ZFP14: variants seen among roughly 807,000 people sequenced by gnomAD.
ZFP14 encodes the protein zinc finger protein 14 homolog.
A neutral mutation model predicts 54.5 loss-of-function variants in ZFP14; 22 were observed. The ratio of observed to expected loss-of-function variants is 0.40; its 90% confidence interval spans 0.29 to 0.58. The LOEUF is 0.58. Among genes scored for constraint, ZFP14 ranks in the 20% least tolerant of loss-of-function variants. The pLI is 0.39. For missense variants in ZFP14, 470 were observed against 637.8 expected (o/e 0.74, Z 2.83); for synonymous variants, 159 against 204.0 (o/e 0.78, Z 1.88).
At chr19:36,345,120 G>A (rs2145542500) in intron 4 of ZFP14, among the ~76,000 whole-genome samples, 1 of 152,252 alleles carries the variant, frequency 6.6e-6, no homozygotes, top group South Asian at 2.1e-4. Context: ...AAAATTAGCT[G>A]AGCGTTTTGG....
chr19:36,352,833 T>C, intron 4 of ZFP14, among the ~76,000 whole-genome samples: 1 of 139,218 alleles, frequency 7.2e-6, no homozygotes. Context: ...CCCAGCTACT[T>C]GGGAGGCTGA....
At chr19:36,366,840 A>G (rs1378815730) in intron 2 of ZFP14, among the ~76,000 whole-genome samples, 2 of 152,160 alleles carry the variant, frequency 1.3e-5, no homozygotes, top group Admixed American at 6.6e-5. Flanking sequence ...TCCACAAAAA[A>G]TTTCAAAAAC....
intron 2 of ZFP14, 141 bp downstream of exon 2, chr19:36,367,743 C>G (rs2031816818): frequency 2.1e-6 from 2 of 933,642 alleles, no homozygotes; most frequent in South Asian, 4.8e-5. Context: ...GGATTACAGG[C>G]GTGAGCCATT....
At chr19:36,343,916 C>T in intron 4 of ZFP14, among the ~76,000 whole-genome samples, 1 of 152,208 alleles carries the variant, frequency 6.6e-6, no homozygotes, top group East Asian at 1.9e-4. Context: ...CCATTCACCC[C>T]TCATAGATCC....
At chr19:36,350,512 G>T (rs969796865) in intron 4 of ZFP14, among the ~76,000 whole-genome samples, 1 of 140,024 alleles carries the variant, frequency 7.1e-6, no homozygotes, top group South Asian at 2.3e-4. Flanking sequence ...GAGGTGGGAG[G>T]ATCACTTGAG....
intron 1 of ZFP14, chr19:36,378,583 T>G (rs192800871): frequency 6.6e-6 from 1 of 152,304 alleles, no homozygotes; most frequent in East Asian, 1.9e-4. Flanking sequence ...ATCTGGATGT[T>G]GACTTGTCTA....
At chr19:36,365,137 G>A (rs1218110407) in intron 2 of ZFP14, among the ~76,000 whole-genome samples, 1 of 149,826 alleles carries the variant, frequency 6.7e-6, no homozygotes, top group Non-Finnish European at 1.5e-5. Flanking sequence ...CCCAAAGGAG[G>A]GATTACAGGC....
In ZFP14 at chr19:36,340,006, A is replaced by T; in HGVS notation, c.*218T>A. The T allele has an allele frequency of 2.3e-6, 1 of 431,332 alleles. No homozygotes were observed. The highest frequency in any genetic ancestry group is 4.0e-6 in the Non-Finnish European group (1 of 250,858). 26.7% of individuals were successfully genotyped at this position (431,332 alleles called of 1,614,324 possible). ...AGTGGAGAAAGGGAGATAATGACAGATAAGGCTAAAGATTTTCCTACATTC... is the reference window on the plus strand; with the variant it reads ...AGTGGAGAAAGGGAGATAATGACAGTTAAGGCTAAAGATTTTCCTACATTC... On this transcript the variant is annotated 3_prime_UTR_variant, in exon 5 of 5. Transcript: ENST00000270001. The surrounding 1 kb of genome is among the most constrained non-coding windows in gnomAD (Gnocchi z 5.4).
At chr19:36,353,639 A>G (rs1421912702) in intron 4 of ZFP14, among the ~76,000 whole-genome samples, 2 of 130,310 alleles carry the variant, frequency 1.5e-5, no homozygotes, top group African/African-American at 2.9e-5. Context: ...CGGAGGTTGC[A>G]GTGAGCCGAG....
chr19:36,358,475 T>G (rs1392173644), intron 4 of ZFP14, among the ~76,000 whole-genome samples: 1 of 152,152 alleles, frequency 6.6e-6, no homozygotes, highest in Admixed American at 6.5e-5. Context: ...TTACTTCGAA[T>G]AGTTGTTGTC....
At position 36,340,741 on chromosome 19, in the gene ZFP14, T is replaced by C; in HGVS notation, c.1085A>G (p.His362Arg). Reference sequence around the variant, plus strand: ...ACATTCGTAGGGTTTCTCACCAGTATGAATACTCTGATGAACAGTAAGTTG... The same window carrying C: ...ACATTCGTAGGGTTTCTCACCAGTACGAATACTCTGATGAACAGTAAGTTG... ...CQQLTVHQSI[H>R]TGEKPYECKE... The change falls in exon 5 of 5, where the codon CAT (histidine) becomes CGT (arginine). Residue 362 changes from histidine (H) to arginine (R), a missense_variant. Coordinates refer to ENST00000270001, the MANE Select transcript of ZFP14 (RefSeq NM_020917.3). This position sits in a 1 kb window ranked among gnomAD's most constrained non-coding sequence, Gnocchi z 5.4. The C allele has an allele frequency of 6.2e-7, 1 of 1,614,102 alleles. No individual in the cohort carries two copies. The highest frequency in any genetic ancestry group is 1.7e-5 in the Admixed American group (1 of 60,020).
chr19:36,358,775 T>C (rs955109978), intron 4 of ZFP14, among the ~76,000 whole-genome samples: 2 of 152,168 alleles, frequency 1.3e-5, no homozygotes, highest in Non-Finnish European at 2.9e-5. Flanking sequence ...CCAAAACTCA[T>C]GTTGAAAATT....
chr19:36,356,221 G>A (rs1021134895), intron 4 of ZFP14, among the ~76,000 whole-genome samples: 1 of 151,826 alleles, frequency 6.6e-6, no homozygotes, highest in African/African-American at 2.4e-5. Flanking sequence ...GATCACCTGA[G>A]GTCAGGAGTT....
In ZFP14 at chr19:36,374,367, G is replaced by A. The variant is rs564642792; in HGVS notation, c.-80+4796C>T. On this transcript the variant is annotated intron_variant, in intron 1 of 4. Transcript: ENST00000270001. ...TAGCCGGGCATGATGGCAGGTGCCT[G>A]TAATCCCAGCTACTCGGGAGGCTGG... Among the ~76,000 whole-genome samples the A allele has an allele frequency of 3.3e-5, 5 of 151,960 alleles. 1 individual carries two copies. The South Asian group carries it at 1.0e-3, about 32-fold the overall frequency.
chr19:36,364,119 G>T (rs1291796785), intron 2 of ZFP14, among the ~76,000 whole-genome samples: 1 of 152,176 alleles, frequency 6.6e-6, no homozygotes, highest in Non-Finnish European at 1.5e-5. Context: ...ATTGATTGAG[G>T]TATCTATTTG....
At chr19:36,342,777 A>G (rs375357509) in intron 4 of ZFP14, among the ~76,000 whole-genome samples, 11 of 132,370 alleles carry the variant, frequency 8.3e-5, no homozygotes, top group African/African-American at 3.1e-4. Context: ...GACATTTATT[A>G]TTAATTTTCT....
rs188410808 is a variant in ZFP14 at position 36,349,154 on chromosome 19, A to G, written c.236-7564T>C. Among the ~76,000 whole-genome samples, 148 of 144,962 alleles carry G rather than the reference A, an allele frequency of 1.0e-3. 1 individual carries two copies. The East Asian group carries it at 0.022, about 22-fold the overall frequency. On this transcript the variant is annotated intron_variant, in intron 4 of 4. Coordinates refer to ENST00000270001, the MANE Select transcript of ZFP14 (RefSeq NM_020917.3). ...TGAGGCAGGAGAATCACTTGAACCC[A>G]GGAGAGGCGGAGGTTTCAGTGAGCC...
At chr19:36,378,559 G>T (rs983473777) in intron 1 of ZFP14, 1 of 152,108 alleles carries the variant, frequency 6.6e-6, no homozygotes, top group African/African-American at 2.4e-5. Context: ...GGAACAAAAC[G>T]GAAACACAAA....
At chr19:36,349,235 AAAAAAAACAAAAAAAAAAAAAC>A (rs1335916382) in intron 4 of ZFP14, among the ~76,000 whole-genome samples, 4 of 46,192 alleles carry the variant, frequency 8.7e-5, no homozygotes, top group Non-Finnish European at 1.6e-4. Flanking sequence ...CTGTCTCAAA[AAAAAAAACAAAAAAAAAAAAAC>A]AAAAAAAAAA....
Sources: gnomAD v4.1 joint callset for allele counts (sites outside exome capture counted in the v4.1 genomes callset) on GRCh38, gnomAD v4.1.1 for gene constraint, Gnocchi (gnomAD v3.1) non-coding constraint, MANE v1.5 for transcripts, NCBI Gene and HGNC (gene_info 2026-07-23, HGNC 2026-07-21) for gene names.